The following ALK variants were observed in gnomAD, a reference collection of about 807,000 sequenced individuals.
ALK encodes the protein ALK tyrosine kinase receptor.
ALK carries 74 observed loss-of-function variants against 163.1 expected under a neutral mutation model. The observed-to-expected ratio is 0.45, with a 90% CI of 0.38 to 0.55. The LOEUF (loss-of-function observed/expected upper bound fraction) is 0.55. ALK is among the 20% of genes least tolerant of loss of function. ALK has a pLI of 0.00. For synonymous variants in ALK, 960 were observed against 843.2 expected (o/e 1.14, Z -2.40); for missense variants, 2,063 against 2,105.3 (o/e 0.98, Z 0.39).
At chr2:29,275,316 C>G (rs755704044) in intron 10 of ALK, 86 bp downstream of exon 10, 36 of 1,605,904 alleles carry the variant, frequency 2.2e-5, no homozygotes, top group Non-Finnish European at 3.1e-5. Context: ...GTGGGAGAGA[C>G]AGTCAGGCTT....
At position 29,692,538 on chromosome 2, in the gene ALK, G is replaced by C. The variant is rs150840089; in HGVS notation, c.952+2312C>G. On this transcript the variant is annotated intron_variant, in intron 3 of 28. Transcript: ENST00000389048. Reference sequence around the variant, plus strand: ...CCTAGAACCCTTGCATGCACAGTCTGTGTGTGTGCACAGTGCACAATACGA... The same window carrying C: ...CCTAGAACCCTTGCATGCACAGTCTCTGTGTGTGCACAGTGCACAATACGA... 2.9e-3 allele frequency among the ~76,000 whole-genome samples: 445 copies of C among 152,334 alleles called. 1 individual carries two copies. The highest frequency in any genetic ancestry group is 0.01 in the African/African-American group (427 of 41,554).
chr2:29,582,854 G>A (rs1297603400), intron 3 of ALK, among the ~76,000 whole-genome samples: 1 of 126,272 alleles, frequency 7.9e-6, no homozygotes, highest in African/African-American at 3.2e-5. Flanking sequence ...TTCAAACCCA[G>A]CACTCCTTTT....
intron 1 of ALK, among the ~76,000 whole-genome samples, chr2:29,867,721 G>A (rs867925374): frequency 2.0e-5 from 3 of 152,186 alleles, no homozygotes; most frequent in African/African-American, 4.8e-5. Context: ...GAGCACCCTT[G>A]TTCCAGCAGC....
chr2:29,291,775 G>A (rs537077559), intron 9 of ALK, among the ~76,000 whole-genome samples: 9 of 152,196 alleles, frequency 5.9e-5, no homozygotes, highest in East Asian at 1.9e-4. Flanking sequence ...GAGGCTTACC[G>A]GAAATCTCTG....
chr2:29,679,598 C>T (rs1277388505), intron 3 of ALK, among the ~76,000 whole-genome samples: 1 of 151,904 alleles, frequency 6.6e-6, no homozygotes, highest in Non-Finnish European at 1.5e-5. Flanking sequence ...AATTTTGCTC[C>T]AATCTAATTC....
intron 3 of ALK, among the ~76,000 whole-genome samples, chr2:29,586,222 T>C (rs1221264565): frequency 6.7e-6 from 1 of 148,158 alleles, no homozygotes; most frequent in East Asian, 2.0e-4. Flanking sequence ...TTGCCCATTT[T>C]TTTGGGGGGG....
intron 12 of ALK, among the ~76,000 whole-genome samples, chr2:29,241,499 G>A (rs1474859472): frequency 1.3e-5 from 2 of 152,008 alleles, no homozygotes; most frequent in Admixed American, 6.6e-5. Flanking sequence ...GGGGGATTGC[G>A]ACAGGTGGTT....
At chr2:29,356,537 T>C (rs984909701) in intron 5 of ALK, among the ~76,000 whole-genome samples, 14 of 152,232 alleles carry the variant, frequency 9.2e-5, no homozygotes, top group African/African-American at 3.4e-4. Flanking sequence ...TGGAATGCCC[T>C]GAGTGTACCC....
intron 2 of ALK, among the ~76,000 whole-genome samples, chr2:29,711,465 C>T (rs1030995447): frequency 1.3e-5 from 2 of 152,188 alleles, no homozygotes; most frequent in Non-Finnish European, 2.9e-5. Flanking sequence ...ACCTCTTCCC[C>T]CAGAGCTCCT....
intron 1 of ALK, among the ~76,000 whole-genome samples, chr2:29,819,455 T>C (rs918943665): frequency 6.6e-6 from 1 of 152,240 alleles, no homozygotes; most frequent in Non-Finnish European, 1.5e-5. Flanking sequence ...CTAATACTGC[T>C]TGAAACACTG....
intron 3 of ALK, among the ~76,000 whole-genome samples, chr2:29,675,057 TTCTC>T (rs1001257564): frequency 3.3e-5 from 5 of 151,952 alleles, no homozygotes; most frequent in African/African-American, 1.2e-4. Flanking sequence ...TATTTGATTC[TTCTC>T]TCTTTTTTTC....
At chr2:29,521,928 A>G (rs1299224533) in intron 4 of ALK, among the ~76,000 whole-genome samples, 1 of 152,256 alleles carries the variant, frequency 6.6e-6, no homozygotes, top group African/African-American at 2.4e-5. Context: ...AGTGCCAGAC[A>G]TAAGTCTCAG....
chr2:29,895,507 A>G (rs1378322712), intron 1 of ALK, among the ~76,000 whole-genome samples: 1 of 152,184 alleles, frequency 6.6e-6, no homozygotes, highest in Non-Finnish European at 1.5e-5. Flanking sequence ...TGTGGCTGTG[A>G]GCCTGGCTAT....
intron 24 of ALK, 133 bp downstream of exon 24, chr2:29,213,851 C>G: frequency 1.3e-6 from 1 of 783,644 alleles, no homozygotes; most frequent in Admixed American, 2.0e-5. Context: ...GCTGAATCAT[C>G]CTACATCCAA....
chr2:29,257,161 G>A (rs917548442), intron 11 of ALK, among the ~76,000 whole-genome samples: 8 of 151,984 alleles, frequency 5.3e-5, no homozygotes, highest in Non-Finnish European at 1.0e-4. Context: ...TCTGGGATGG[G>A]GGGCAGAGGA....
chr2:29,445,060 G>A (rs1467237878), intron 4 of ALK, among the ~76,000 whole-genome samples: 1 of 152,174 alleles, frequency 6.6e-6, no homozygotes, highest in African/African-American at 2.4e-5. Context: ...AAGCCCATTT[G>A]GATTTGACTC....
chr2:29,398,312 C>T (rs935012700), intron 4 of ALK, among the ~76,000 whole-genome samples: 6 of 152,194 alleles, frequency 3.9e-5, no homozygotes, highest in Non-Finnish European at 8.8e-5. Context: ...CTGGAAAGGA[C>T]AGGCTGCTCC....
At chr2:29,380,535 C>G (rs1241812418) in intron 5 of ALK, among the ~76,000 whole-genome samples, 1 of 152,224 alleles carries the variant, frequency 6.6e-6, no homozygotes, top group African/African-American at 2.4e-5. Context: ...TCTCCTGCCT[C>G]AGCCTCCTGA....
At chr2:29,452,540 T>C (rs1015886775) in intron 4 of ALK, among the ~76,000 whole-genome samples, 1 of 152,050 alleles carries the variant, frequency 6.6e-6, no homozygotes, top group Non-Finnish European at 1.5e-5. Context: ...GCTTCTTGAG[T>C]AAGGAAGTGC....
Sources: allele counts gnomAD v4.1 joint callset (sites outside exome capture counted in the v4.1 genomes callset), GRCh38; gene constraint gnomAD v4.1.1; transcripts MANE v1.5; gene names NCBI Gene and HGNC (gene_info 2026-07-23, HGNC 2026-07-21).